Variants in GMPR observed in about 807,000 individuals in gnomAD.
The protein encoded by GMPR is GMP reductase 1.
A neutral mutation model predicts 38.4 loss-of-function variants in GMPR; 31 were observed. The observed-to-expected ratio is 0.81, with a 90% CI of 0.61 to 1.09. The LOEUF (loss-of-function observed/expected upper bound fraction) is 1.09, where lower values mean the gene tolerates loss of function less well. Among genes scored for constraint, GMPR ranks in the 50% least tolerant of loss-of-function variants. GMPR has a pLI of 0.00. For missense variants in GMPR, 468 were observed against 453.7 expected (o/e 1.03, Z -0.29); for synonymous variants, 162 against 173.3 (o/e 0.93, Z 0.51).
At chr6:16,258,085 T>C (rs955859894) in intron 4 of GMPR, 1 of 152,212 alleles carries the variant, frequency 6.6e-6, no homozygotes, top group African/African-American at 2.4e-5. Flanking sequence ...TGCTGTTTTG[T>C]AACAGTGCCA....
intron 6 of GMPR, among the ~76,000 whole-genome samples, chr6:16,280,192 A>G (rs1759551340): frequency 6.6e-6 from 1 of 152,204 alleles, no homozygotes; most frequent in African/African-American, 2.4e-5. Flanking sequence ...GGGCATCAGA[A>G]GGGAAATTGC....
chr6:16,240,247 T>A (rs774831617), intron 1 of GMPR, among the ~76,000 whole-genome samples: 5 of 152,204 alleles, frequency 3.3e-5, no homozygotes, highest in Non-Finnish European at 4.4e-5. Context: ...AACATTAATG[T>A]AATAGGGCCA....
At chr6:16,289,313 A>G (rs1759776945) in intron 7 of GMPR, among the ~76,000 whole-genome samples, 1 of 152,214 alleles carries the variant, frequency 6.6e-6, no homozygotes, top group South Asian at 2.1e-4. Context: ...ACCAGTTCCG[A>G]ACACAGTAGC....
intron 1 of GMPR, among the ~76,000 whole-genome samples, chr6:16,244,877 G>T (rs1561818328): frequency 6.6e-6 from 1 of 152,186 alleles, no homozygotes. Flanking sequence ...GACTGGAAAT[G>T]AGGGGAAGCG....
chr6:16,277,338 C>A (rs1204326611), intron 5 of GMPR, among the ~76,000 whole-genome samples: 1 of 152,166 alleles, frequency 6.6e-6, no homozygotes, highest in Non-Finnish European at 1.5e-5. Context: ...TCCCTAAAGA[C>A]CCCTGGCAGA....
At chr6:16,262,733 T>C (rs1191749254) in intron 4 of GMPR, 2 of 152,024 alleles carry the variant, frequency 1.3e-5, no homozygotes, top group Non-Finnish European at 2.9e-5. Context: ...TTTGAACTTT[T>C]AGGGTCTAGG....
At chr6:16,288,592 T>C (rs982110195) in intron 7 of GMPR, among the ~76,000 whole-genome samples, 11 of 151,962 alleles carry the variant, frequency 7.2e-5, no homozygotes, top group Non-Finnish European at 1.6e-4. Context: ...CGCCGCCCCC[T>C]GCTCCAAGGC....
At chr6:16,288,634 G>A (rs979103913) in intron 7 of GMPR, among the ~76,000 whole-genome samples, 2 of 152,252 alleles carry the variant, frequency 1.3e-5, no homozygotes, top group Admixed American at 6.5e-5. Context: ...AAGGGCTGAG[G>A]AGTGCAGGCG....
chr6:16,248,594 GA>G (rs1364342331), intron 2 of GMPR, among the ~76,000 whole-genome samples: 1 of 152,120 alleles, frequency 6.6e-6, no homozygotes, highest in Non-Finnish European at 1.5e-5. Context: ...AATAAATTAT[GA>G]GCTCCCAAAA....
chr6:16,250,898 ATGT>A (rs67742130), intron 3 of GMPR, among the ~76,000 whole-genome samples: 61,730 of 151,178 alleles, frequency 0.41, 13,073 homozygotes, highest in East Asian at 0.69. Flanking sequence ...AAGACAATAA[ATGT>A]TGTTGAGGAT....
intron 6 of GMPR, among the ~76,000 whole-genome samples, chr6:16,282,115 G>C (rs1446079129): frequency 6.6e-6 from 1 of 152,158 alleles, no homozygotes; most frequent in Non-Finnish European, 1.5e-5. Flanking sequence ...CCCTTTATTT[G>C]CTGAATTAGC....
intron 4 of GMPR, among the ~76,000 whole-genome samples, chr6:16,273,713 C>T (rs1759427611): frequency 6.6e-6 from 1 of 151,724 alleles, no homozygotes; most frequent in South Asian, 2.1e-4. Context: ...TCTTCAGGGG[C>T]TTTGCAAACT....
intron 1 of GMPR, 71 bp downstream of exon 1, chr6:16,238,851 A>G: frequency 4.0e-6 from 3 of 745,822 alleles, no homozygotes; most frequent in Non-Finnish European, 4.1e-6. Context: ...AGTGGGTGGA[A>G]GGGGGTGGCA....
intron 6 of GMPR, 30 bp from the exon 7 acceptor site, chr6:16,285,763 T>C: frequency 1.2e-6 from 2 of 1,603,582 alleles, no homozygotes. Context: ...CCGCTGATGA[T>C]GTCCTGTCCT....
chr6:16,261,161 T>G (rs995782260), intron 4 of GMPR, among the ~76,000 whole-genome samples: 1 of 151,950 alleles, frequency 6.6e-6, no homozygotes, highest in Admixed American at 6.6e-5. Context: ...CTGGCTCTTG[T>G]GTAAGAATTC....
chr6:16,282,833 G>A (rs542413647), intron 6 of GMPR, among the ~76,000 whole-genome samples: 11 of 147,694 alleles, frequency 7.4e-5, no homozygotes, highest in Non-Finnish European at 1.0e-4. Flanking sequence ...TTTTGAGACA[G>A]AGTCTTGCTT....
intron 4 of GMPR, among the ~76,000 whole-genome samples, chr6:16,265,819 A>C (rs189635365): frequency 6.6e-6 from 1 of 152,186 alleles, no homozygotes; most frequent in Non-Finnish European, 1.5e-5. Context: ...GAACCCTTCC[A>C]CGCCATGGAG....
chr6:16,289,848 A>ATTTTTTTTTTTTTTTTTTTTTTT lies in GMPR; in HGVS notation c.698-599_698-577dup, dbSNP rs546450494. 19 of 63,186 alleles carry ATTTTTTTTTTTTTTTTTTTTTTT rather than the reference A, an allele frequency of 3.0e-4. 3 individuals carry two copies. The highest frequency in any genetic ancestry group is 9.9e-4 in the African/African-American group (14 of 14,176). The allele number at this position is 63,186 out of a possible 1,614,324, so 3.9% of individuals were successfully genotyped here. On this transcript the variant is annotated intron_variant, in intron 7 of 8. Coordinates refer to ENST00000259727, the MANE Select transcript of GMPR (RefSeq NM_006877.4). ...AACTTGCTTTCTAAGATACTGCCCA[A>ATTTTTTTTTTTTTTTTTTTTTTT]TTTTTTTTTTTTTTTTTTTTTTTTT...
chr6:16,267,405 C>T (rs1372057983), intron 4 of GMPR, among the ~76,000 whole-genome samples: 2 of 151,302 alleles, frequency 1.3e-5, no homozygotes, highest in Non-Finnish European at 3.0e-5. Flanking sequence ...CTGTGAAGGT[C>T]TGTGGCTTCA....
Sources: gnomAD v4.1 joint callset for allele counts (sites outside exome capture counted in the v4.1 genomes callset) on GRCh38, gnomAD v4.1.1 for gene constraint, MANE v1.5 for transcripts, NCBI Gene and HGNC (gene_info 2026-07-23, HGNC 2026-07-21) for gene names.